ESPNL: variants seen among roughly 807,000 people sequenced by gnomAD.
ESPNL encodes espin like.
Under a neutral mutation model 46.8 loss-of-function variants are expected in ESPNL, and 49 were observed. The ratio of observed to expected loss-of-function variants is 1.05; its 90% confidence interval spans 0.83 to 1.33. The LOEUF (loss-of-function observed/expected upper bound fraction) is 1.33. Ranked by LOEUF, ESPNL falls within the 40% of genes most tolerant of loss-of-function variation. ESPNL has a pLI of 0.00. For synonymous variants in ESPNL, 664 were observed against 662.1 expected, an observed-to-expected ratio of 1.00 and a Z score of -0.04; for missense variants, 1,540 against 1,436.6, an observed-to-expected ratio of 1.07 and a Z score of -1.16.
Position 238,116,974 on chromosome 2 carries a change from C to A in ESPNL, c.927C>A (p.Asp309Glu), listed in dbSNP as rs759035037. 36 of 1,612,486 alleles carry A rather than the reference C, an allele frequency of 2.2e-5. No homozygotes were observed. The highest frequency in any genetic ancestry group is 1.8e-4 in the Admixed American group (11 of 60,002). Reference protein sequence around the residue: ...LRDEDGYTAADLAEYHGHRDC... With the variant: ...LRDEDGYTAAELAEYHGHRDC... ...ATGAAGATGGTTACACGGCGGCAGA[C>A]CTGGCGGAGTACCATGGACACCGGG... The change falls in exon 5 of 9, where the codon GAC becomes GAA. Residue 309 changes from aspartate to glutamate, a missense_variant. Asp to Glu is a conservative substitution (Grantham distance 45). Coordinates refer to ENST00000343063, the MANE Select transcript of ESPNL (RefSeq NM_194312.4).
chr2:238,110,828 C>T (rs945380547), intron 4 of ESPNL, among the ~76,000 whole-genome samples: 3 of 152,182 alleles, frequency 2.0e-5, no homozygotes, highest in African/African-American at 7.2e-5. Context: ...TTGGCTCTGA[C>T]AGCTTTTTCC....
intron 4 of ESPNL, among the ~76,000 whole-genome samples, chr2:238,111,362 C>T (rs891403385): frequency 1.3e-5 from 2 of 152,208 alleles, no homozygotes; most frequent in Non-Finnish European, 1.5e-5. Context: ...AGTCTGTTCA[C>T]GTTGTCGTGC....
Position 238,131,301 on chromosome 2 carries a change from T to TTCCA in ESPNL, c.2588_2591dup (p.Gln864HisfsTer100). On this transcript the variant is annotated frameshift_variant, in exon 9 of 9. Transcript: ENST00000343063. LOFTEE classifies it low-confidence loss of function (END_TRUNC). ...ACTGGATCTCTTCATGCTGGGTTAC[T>TTCCA]TCCAGCTGCTGGAGTGCGACCTGCC... 4 of 1,583,046 alleles carry TTCCA rather than the reference T, an allele frequency of 2.5e-6. No homozygotes were observed. The highest frequency in any genetic ancestry group is 3.4e-6 in the Non-Finnish European group (4 of 1,165,596).
chr2:238,131,808 C>A lies in ESPNL; in HGVS notation c.*76C>A, dbSNP rs1456998096. On this transcript the variant is annotated 3_prime_UTR_variant, in exon 9 of 9. Transcript: ENST00000343063. ...TTCTCTTTTCTTTTCCTTGCTCACA[C>A]CCTTGGTGTTCAGGTGAGCCGGGCA... The A allele has an allele frequency of 1.0e-5, 15 of 1,487,002 alleles. No homozygotes were observed. The highest frequency in any genetic ancestry group is 1.3e-5 in the Non-Finnish European group (14 of 1,102,108). The allele number at this position is 1,487,002 out of a possible 1,614,324, so 92.1% of individuals were successfully genotyped here.
rs1310073640 is a variant in ESPNL at position 238,116,769 on chromosome 2, C to G, written c.856-134C>G. 4 of 1,204,894 alleles carry G rather than the reference C, an allele frequency of 3.3e-6. No homozygotes were observed. The Admixed American group carries it at 8.6e-5, about 26-fold the overall frequency. 74.6% of individuals were successfully genotyped at this position (1,204,894 alleles called of 1,614,324 possible). On this transcript the variant is annotated intron_variant, in intron 4 of 8. Coordinates refer to ENST00000343063, the MANE Select transcript of ESPNL (RefSeq NM_194312.4). Reference sequence around the variant, plus strand: ...TCTCTGGCACCCCACGGCCCAGATTCAAGTCCTGCCCCTGCTGGGAAGGGC... The same window carrying G: ...TCTCTGGCACCCCACGGCCCAGATTGAAGTCCTGCCCCTGCTGGGAAGGGC...
chr2:238,125,103 A>T (rs1464118599), intron 5 of ESPNL, among the ~76,000 whole-genome samples, 167 bp from the exon 6 acceptor site: 1 of 152,026 alleles, frequency 6.6e-6, no homozygotes, highest in Non-Finnish European at 1.5e-5. Context: ...CTGGGACAGA[A>T]CCCTGATCAA....
At position 238,131,255 on chromosome 2, in the gene ESPNL, G is replaced by T. The variant is rs10182906; in HGVS notation, c.2541G>T (p.Pro847=). The T allele has an allele frequency of 3.8e-5, 60 of 1,571,816 alleles. No individual in the cohort carries two copies. In the East Asian group the frequency reaches 4.0e-4, roughly 10 times the overall value. The change falls in exon 9 of 9, where the codon CCG becomes CCT. Residue 847 remains proline, a synonymous_variant. Coordinates refer to ENST00000343063, the MANE Select transcript of ESPNL (RefSeq NM_194312.4). ...EQFLPHVDGA[P]VPYSSLSLDL... ...TCCTGCCCCACGTGGACGGGGCTCC[G>T]GTGCCCTACAGCAGCCTCTCACTGG...
chr2:238,128,195 A>G (rs1019199010), intron 7 of ESPNL, among the ~76,000 whole-genome samples: 1 of 152,012 alleles, frequency 6.6e-6, no homozygotes, highest in Non-Finnish European at 1.5e-5. Flanking sequence ...GCCAGCCCAG[A>G]CTTTCCCTGC....
intron 5 of ESPNL, among the ~76,000 whole-genome samples, chr2:238,124,257 G>A (rs1371913759): frequency 6.6e-6 from 1 of 152,202 alleles, no homozygotes; most frequent in East Asian, 1.9e-4. Context: ...GGCTTCCAGT[G>A]CCCACTGGAG....
rs962000899 is a variant in ESPNL at position 238,131,895 on chromosome 2, C to G, written c.*163C>G. On this transcript the variant is annotated 3_prime_UTR_variant, in exon 9 of 9. Coordinates refer to ENST00000343063, the MANE Select transcript of ESPNL (RefSeq NM_194312.4). ...GGGACTGTTCTGTTGTGGCATGGTTCTCCTCCGAGCTGGGACTCAGACTCC... is the reference window on the plus strand; with the variant it reads ...GGGACTGTTCTGTTGTGGCATGGTTGTCCTCCGAGCTGGGACTCAGACTCC... 4 of 748,054 alleles carry G rather than the reference C, an allele frequency of 5.3e-6. No homozygotes were observed. Among genetic ancestry groups the G allele is most frequent in the Non-Finnish European group, 8.5e-6 (4 of 469,032 alleles). The allele number at this position is 748,054 out of a possible 1,614,324, so 46.3% of individuals were successfully genotyped here. A position where few individuals can be genotyped will look rare whatever the true frequency, so the allele number is the denominator to read the frequency against.
At chr2:238,108,793 C>G (rs1691656443) in intron 4 of ESPNL, among the ~76,000 whole-genome samples, 1 of 152,206 alleles carries the variant, frequency 6.6e-6, no homozygotes, top group African/African-American at 2.4e-5. Context: ...CAGCTAGAAC[C>G]CAAGGTCTTC....
chr2:238,102,467 C>G (rs1691506741), intron 2 of ESPNL, among the ~76,000 whole-genome samples: 1 of 152,178 alleles, frequency 6.6e-6, no homozygotes, highest in African/African-American at 2.4e-5. Flanking sequence ...CCTAAAACAG[C>G]TGGGGACGTG....
Position 238,102,069 on chromosome 2 carries a change from G to A in ESPNL, c.423G>A (p.Leu141=), listed in dbSNP as rs1691497173. 1 of 1,587,060 alleles carries A rather than the reference G, an allele frequency of 6.3e-7. No homozygotes were observed. The highest frequency in any genetic ancestry group is 1.8e-5 in the Admixed American group (1 of 56,624). ...TLETREGARP[L]HHAAVSGDLT... is the part of the protein sequence containing the mutation. ...AGACCCGGGAGGGAGCCCGGCCGCTGCACCACGCTGCCGTCAGTGGGGACC... is the reference window on the plus strand; with the variant it reads ...AGACCCGGGAGGGAGCCCGGCCGCTACACCACGCTGCCGTCAGTGGGGACC... Residue 141 remains leucine (L), a synonymous_variant, in exon 2 of 9, where the codon CTG becomes CTA. Transcript: ENST00000343063.
chr2:238,130,932 C>A lies in ESPNL; in HGVS notation c.2218C>A (p.Arg740Ser). 6.5e-7 allele frequency: 1 copy of A among 1,549,600 alleles called. No individual in the cohort carries two copies. The highest frequency in any genetic ancestry group is 8.7e-7 in the Non-Finnish European group (1 of 1,147,678). ...GPDLASLRKE[R>S]IIMLFLSHWR... ...AGACCTGGCCAGCCTGCGCAAGGAG[C>A]GCATCATCATGCTCTTCCTCAGCCA... The change falls in exon 9 of 9, where the codon CGC becomes AGC. Residue 740 changes from arginine to serine, a missense_variant. By Grantham distance (110) the Arg-to-Ser change is moderately radical (BLOSUM62 -1). Transcript: ENST00000343063.
chr2:238,104,694 T>C lies in ESPNL; in HGVS notation c.524T>C (p.Leu175Pro). The C allele has an allele frequency of 6.2e-7, 1 of 1,605,032 alleles. No individual in the cohort carries two copies. Among genetic ancestry groups the C allele is most frequent in the Non-Finnish European group, 8.5e-7 (1 of 1,176,710 alleles). The change falls in exon 3 of 9, where the codon CTC becomes CCC. Residue 175 changes from leucine (L) to proline (P), a missense_variant. By Grantham distance (98) the Leu-to-Pro change is moderately conservative. Coordinates refer to ENST00000343063, the MANE Select transcript of ESPNL (RefSeq NM_194312.4). ...CGGACACGCAGTGGCGCCTCCCCAC[T>C]CTACCTGGCCTGCCAGGAGGGCCAC... is the stretch of plus-strand genomic sequence containing the variant. The part of the protein sequence containing the change: ...NRRTRSGASP[L>P]YLACQEGHLH...
intron 3 of ESPNL, among the ~76,000 whole-genome samples, chr2:238,105,521 A>AG (rs2106464939): frequency 6.6e-6 from 1 of 151,842 alleles, no homozygotes; most frequent in East Asian, 1.9e-4. Context: ...TCAAAAAAAA[A>AG]AAAAAAAAAA....
rs1205032528 is a variant in ESPNL, at chr2:238,114,535, C to T, written c.856-2368C>T. On this transcript the variant is annotated intron_variant, in intron 4 of 8. Transcript: ENST00000343063. This position sits in a 1 kb window ranked among gnomAD's most constrained non-coding sequence, Gnocchi z 5.0. ...CTTCAGCGACCTGCCCCAGCCTCCCCAGCCCCGGTGTCCTTGCACATCTGA... is the reference window on the plus strand; with the variant it reads ...CTTCAGCGACCTGCCCCAGCCTCCCTAGCCCCGGTGTCCTTGCACATCTGA... Among the ~76,000 whole-genome samples the T allele has an allele frequency of 1.3e-5, 2 of 152,288 alleles. No homozygotes were observed. The highest frequency in any genetic ancestry group is 3.4e-3 in the Middle Eastern group (1 of 294).
Position 238,130,108 on chromosome 2 carries a change from C to G in ESPNL, c.1414-20C>G. ...GGGTGGGTGGGCTCACCCTGCTCAC[C>G]CTGCCCTTCCTGTGCCCAGGACAAT... is the stretch of plus-strand genomic sequence containing the variant. On this transcript the variant is annotated intron_variant, in intron 8 of 8. Coordinates refer to ENST00000343063, the MANE Select transcript of ESPNL (RefSeq NM_194312.4). 6.3e-7 allele frequency: 1 copy of G among 1,596,656 alleles called. No homozygotes were observed. The highest frequency in any genetic ancestry group is 8.6e-7 in the Non-Finnish European group (1 of 1,169,252).
intron 7 of ESPNL, among the ~76,000 whole-genome samples, chr2:238,128,449 C>A (rs1015752182): frequency 6.6e-6 from 1 of 152,182 alleles, no homozygotes; most frequent in African/African-American, 2.4e-5. Flanking sequence ...GGGGAGGGAC[C>A]TCTGGTTTCA....
Sources: allele counts gnomAD v4.1 joint callset (sites outside exome capture counted in the v4.1 genomes callset), GRCh38; gene constraint gnomAD v4.1.1; non-coding constraint Gnocchi (gnomAD v3.1); transcripts MANE v1.5; gene names NCBI Gene and HGNC (gene_info 2026-07-23, HGNC 2026-07-21).